RAPGEF5: variants seen among roughly 807,000 people sequenced by gnomAD.
RAPGEF5 encodes Rap guanine nucleotide exchange factor 5, also known as M-Ras-regulated GEF.
A neutral mutation model predicts 125.2 loss-of-function variants in RAPGEF5; 65 were observed. The observed-to-expected ratio is 0.52, with a 90% CI of 0.43 to 0.64. The LOEUF (loss-of-function observed/expected upper bound fraction) is 0.64, where lower values mean the gene tolerates loss of function less well. Ranked by LOEUF, RAPGEF5 falls within the 30% of genes least tolerant of loss-of-function variation. RAPGEF5 has a pLI of 0.00. For synonymous variants in RAPGEF5, 391 were observed against 385.9 expected, an observed-to-expected ratio of 1.01 and a Z score of -0.16; for missense variants, 958 against 1,048.1, an observed-to-expected ratio of 0.91 and a Z score of 1.19.
intron 9 of RAPGEF5, among the ~76,000 whole-genome samples, chr7:22,207,895 A>G (rs1277388456): frequency 6.6e-6 from 1 of 152,214 alleles, no homozygotes; most frequent in Non-Finnish European, 1.5e-5. Flanking sequence ...CCCAGGAAGT[A>G]AAAAAGATGA....
intron 1 of RAPGEF5, among the ~76,000 whole-genome samples, chr7:22,324,629 T>C (rs530290813): frequency 1.7e-4 from 26 of 152,344 alleles, no homozygotes; most frequent in African/African-American, 6.3e-4. Flanking sequence ...AATGACCTTC[T>C]TCCTCCCCAC....
At chr7:22,354,075 A>C (rs941953998) in intron 1 of RAPGEF5, among the ~76,000 whole-genome samples, 2 of 151,962 alleles carry the variant, frequency 1.3e-5, no homozygotes, top group South Asian at 2.1e-4. Flanking sequence ...GTCTCAGAAA[A>C]AAAACAAAAC....
chr7:22,122,556 G>A, intron 25 of RAPGEF5, 35 bp from the exon 26 acceptor site: 9 of 1,485,216 alleles, frequency 6.1e-6, no homozygotes, highest in Admixed American at 1.7e-5. Context: ...ACAATCTCAG[G>A]AGAGCAGTAA....
chr7:22,317,885 A>G (rs1167793115), intron 2 of RAPGEF5, 102 bp downstream of exon 2: 6 of 1,471,376 alleles, frequency 4.1e-6, no homozygotes, highest in East Asian at 2.5e-5. Context: ...GCAAAACTCT[A>G]TGTGGTCAGG....
chr7:22,135,510 T>C (rs1309269554), intron 23 of RAPGEF5, among the ~76,000 whole-genome samples: 1 of 152,220 alleles, frequency 6.6e-6, no homozygotes, highest in East Asian at 1.9e-4. Flanking sequence ...AACTTGCAGC[T>C]ATCAAATATT....
Position 22,284,412 on chromosome 7 carries a change from G to GA in RAPGEF5, c.747+6762dup, listed in dbSNP as rs553685613. ...GTCCTATGGCTCCGTATAAACCACAGAAAAAAGTTGCTACCAGAATATGCT... is the reference window on the plus strand; with the variant it reads ...GTCCTATGGCTCCGTATAAACCACAGAAAAAAAGTTGCTACCAGAATATGCT... On this transcript the variant is annotated intron_variant, in intron 6 of 25. Coordinates refer to ENST00000665637, the MANE Select transcript of RAPGEF5 (RefSeq NM_012294.5). Among the ~76,000 whole-genome samples, 11 of 152,218 alleles carry GA rather than the reference G, an allele frequency of 7.2e-5. No individual in the cohort carries two copies. The East Asian group carries it at 7.7e-4, about 11-fold the overall frequency.
chr7:22,167,982 T>C (rs1784224796), intron 11 of RAPGEF5, among the ~76,000 whole-genome samples: 2 of 152,190 alleles, frequency 1.3e-5, no homozygotes, highest in South Asian at 2.1e-4. Flanking sequence ...GATTATCTAG[T>C]CTCCTTAACT....
intron 11 of RAPGEF5, among the ~76,000 whole-genome samples, chr7:22,184,641 C>T (rs1203868619): frequency 1.3e-5 from 2 of 152,080 alleles, no homozygotes; most frequent in East Asian, 1.9e-4. Flanking sequence ...CACATTTTTC[C>T]GTTATTAATC....
chr7:22,281,448 G>A (rs1266089865), intron 6 of RAPGEF5, among the ~76,000 whole-genome samples: 1 of 152,184 alleles, frequency 6.6e-6, no homozygotes, highest in Non-Finnish European at 1.5e-5. Context: ...CTGGGCTCAA[G>A]TAATCTGCCC....
chr7:22,133,095 G>C (rs1782965289), intron 23 of RAPGEF5, among the ~76,000 whole-genome samples: 1 of 152,174 alleles, frequency 6.6e-6, no homozygotes, highest in Admixed American at 6.5e-5. Context: ...ACTCCCTTCA[G>C]GCAGTCCCTC....
Position 22,120,186 on chromosome 7 carries a change from G to A in RAPGEF5, c.*2220C>T, listed in dbSNP as rs1377791391. On this transcript the variant is annotated 3_prime_UTR_variant, in exon 26 of 26. Coordinates refer to ENST00000665637, the MANE Select transcript of RAPGEF5 (RefSeq NM_012294.5). This position sits in a 1 kb window ranked among gnomAD's most constrained non-coding sequence, Gnocchi z 4.0. ...CTAGGACCACCTAACCACGGCTGGA[G>A]GAAGAGGTGAACAAGCATCATTTTC... 1 of 152,172 alleles carries A rather than the reference G, an allele frequency of 6.6e-6. No individual in the cohort carries two copies. Among genetic ancestry groups the A allele is most frequent in the Non-Finnish European group, 1.5e-5 (1 of 68,038 alleles). The allele number at this position is 152,172 out of a possible 1,614,324, so 9.4% of individuals were successfully genotyped here.
chr7:22,226,770 C>T (rs931068827), intron 8 of RAPGEF5, among the ~76,000 whole-genome samples: 5 of 152,148 alleles, frequency 3.3e-5, no homozygotes, highest in African/African-American at 1.2e-4. Context: ...AGGCAATGGA[C>T]ATTCAGTTTC....
intron 9 of RAPGEF5, chr7:22,194,525 T>C (rs1050471207): frequency 3.3e-6 from 3 of 906,134 alleles, no homozygotes; most frequent in East Asian, 1.2e-4. Context: ...TCATTTACTT[T>C]ACACCCTTAC....
intron 1 of RAPGEF5, among the ~76,000 whole-genome samples, chr7:22,320,616 A>G (rs1783696212): frequency 6.6e-6 from 1 of 151,928 alleles, no homozygotes; most frequent in Admixed American, 6.6e-5. Context: ...ATATACAATC[A>G]CTCAGCTGTT....
At chr7:22,292,633 C>T (rs762677848) in intron 5 of RAPGEF5, among the ~76,000 whole-genome samples, 1 of 152,160 alleles carries the variant, frequency 6.6e-6, no homozygotes, top group South Asian at 2.1e-4. Context: ...AGACTGGAAA[C>T]GCTTTATAAC....
At chr7:22,343,096 C>T (rs1784158707) in intron 1 of RAPGEF5, among the ~76,000 whole-genome samples, 1 of 152,204 alleles carries the variant, frequency 6.6e-6, no homozygotes, top group African/African-American at 2.4e-5. Context: ...GACTTACAGT[C>T]CGCATGGCTG....
intron 11 of RAPGEF5, among the ~76,000 whole-genome samples, chr7:22,186,221 A>C (rs1784821678): frequency 6.6e-6 from 1 of 152,224 alleles, no homozygotes; most frequent in Admixed American, 6.5e-5. Context: ...TATCCTTATC[A>C]AACATTTCCA....
intron 9 of RAPGEF5, among the ~76,000 whole-genome samples, chr7:22,218,805 T>G (rs974054907): frequency 3.3e-5 from 5 of 152,218 alleles, no homozygotes; most frequent in Admixed American, 6.5e-5. Context: ...AAGTCAATAG[T>G]CGCCTCTGAA....
intron 1 of RAPGEF5, among the ~76,000 whole-genome samples, chr7:22,328,497 C>T (rs1409944435): frequency 6.6e-6 from 1 of 152,208 alleles, no homozygotes; most frequent in Admixed American, 6.5e-5. Context: ...ACCCTAAGTA[C>T]AGTCAATTTT....
Sources: gnomAD v4.1 joint callset for allele counts (sites outside exome capture counted in the v4.1 genomes callset) on GRCh38, gnomAD v4.1.1 for gene constraint, Gnocchi (gnomAD v3.1) non-coding constraint, MANE v1.5 for transcripts, NCBI Gene and HGNC (gene_info 2026-07-23, HGNC 2026-07-21) for gene names.